The following ZNF652 variants were observed in gnomAD, a reference collection of about 807,000 sequenced individuals.
The protein encoded by ZNF652 is zinc finger protein 652.
Under a neutral mutation model 45.2 loss-of-function variants are expected in ZNF652, and 16 were observed. That is an observed-to-expected ratio of 0.35 (90% CI 0.24 to 0.54). The LOEUF is 0.54. ZNF652 is among the 20% of genes least tolerant of loss of function. The pLI, the probability that ZNF652 is intolerant of heterozygous loss-of-function variation, is 0.91. For missense variants in ZNF652, 614 were observed against 765.6 expected (o/e 0.80, Z 2.34); for synonymous variants, 250 against 260.6 (o/e 0.96, Z 0.39).
Position 49,311,380 on chromosome 17 carries a change from A to G in ZNF652, c.1241T>C (p.Met414Thr). Residue 414 changes from methionine to threonine, a missense_variant, in exon 5 of 6, where the codon ATG becomes ACG. Around this residue, in one of 5 missense-constraint regions of ZNF652, gnomAD observed 81 missense variants for 167.0 expected, o/e 0.48. Transcript: ENST00000430262. ...GAAATCCTTGCCACACCACTGGCAC[A>G]TGAACTGTTTGTGCCCAATATGAAT... ...MSIHIGHKQF[M>T]CQWCGKDFNM... 6.2e-7 allele frequency: 1 copy of G among 1,614,206 alleles called. No homozygotes were observed. The highest frequency in any genetic ancestry group is 8.5e-7 in the Non-Finnish European group (1 of 1,180,022).
intron 1 of ZNF652, among the ~76,000 whole-genome samples, chr17:49,324,682 A>G (rs1034015422): frequency 2.2e-5 from 3 of 139,478 alleles, no homozygotes; most frequent in Admixed American, 1.5e-4. Context: ...GAGCCACCAC[A>G]CCCAGCCAGC....
intron 1 of ZNF652, among the ~76,000 whole-genome samples, chr17:49,335,848 A>C (rs1383540033): frequency 1.3e-5 from 2 of 152,198 alleles, no homozygotes; most frequent in Non-Finnish European, 2.9e-5. Flanking sequence ...AACACAACAC[A>C]GAGTCCACCA....
upstream of ZNF652, chr17:49,362,308 C>G (rs2070410261): frequency 6.6e-6 from 1 of 151,324 alleles, no homozygotes; most frequent in Admixed American, 6.6e-5. Flanking sequence ...GCTGGCCCCC[C>G]CGCCCAACGG....
chr17:49,314,251 G>A (rs1464162863), intron 2 of ZNF652, among the ~76,000 whole-genome samples: 6 of 149,302 alleles, frequency 4.0e-5, no homozygotes, highest in Non-Finnish European at 8.9e-5. Context: ...AACCTCCACC[G>A]CCTGGGTTCA....
chr17:49,326,232 C>A (rs1397142664), intron 1 of ZNF652, among the ~76,000 whole-genome samples: 2 of 138,544 alleles, frequency 1.4e-5, no homozygotes, highest in Non-Finnish European at 3.1e-5. Context: ...CATAGCAAGA[C>A]CCCATCTCTA....
chr17:49,296,122 G>C lies in ZNF652; in HGVS notation c.*2291C>G, dbSNP rs1410691558. On this transcript the variant is annotated 3_prime_UTR_variant, in exon 6 of 6. Coordinates refer to ENST00000430262, the MANE Select transcript of ZNF652 (RefSeq NM_001145365.3). Reference sequence around the variant, plus strand: ...TGCCAAGGAGACTGTGGAGGGAGAGGGAGACAACCACTAAAGATATAACAG... The same window carrying C: ...TGCCAAGGAGACTGTGGAGGGAGAGCGAGACAACCACTAAAGATATAACAG... 1 of 151,986 alleles carries C rather than the reference G, an allele frequency of 6.6e-6. No individual in the cohort carries two copies. Among genetic ancestry groups the C allele is most frequent in the Non-Finnish European group, 1.5e-5 (1 of 67,970 alleles). 9.4% of individuals were successfully genotyped at this position (151,986 alleles called of 1,614,324 possible).
chr17:49,340,580 G>GA (rs5820757), intron 1 of ZNF652, among the ~76,000 whole-genome samples: 59,657 of 139,818 alleles, frequency 0.43, 13,019 homozygotes, highest in East Asian at 0.49. Context: ...AAGAAAGAAA[G>GA]AAAAAATATA....
At chr17:49,303,711 T>C (rs1255890259) in intron 5 of ZNF652, among the ~76,000 whole-genome samples, 1 of 152,008 alleles carries the variant, frequency 6.6e-6, no homozygotes, top group Non-Finnish European at 1.5e-5. Flanking sequence ...TGAATTTTAG[T>C]CTAGTATGAG....
intron 5 of ZNF652, among the ~76,000 whole-genome samples, chr17:49,307,191 T>C (rs944510194): frequency 6.6e-6 from 1 of 151,788 alleles, no homozygotes; most frequent in Non-Finnish European, 1.5e-5. Context: ...TCCCAGCAGT[T>C]TGGGAGGCTG....
At chr17:49,310,797 T>C (rs1228856324) in intron 5 of ZNF652, among the ~76,000 whole-genome samples, 1 of 144,442 alleles carries the variant, frequency 6.9e-6, no homozygotes, top group Non-Finnish European at 1.5e-5. Context: ...AGCTACTTGG[T>C]AGGCTAAGGT....
At chr17:49,313,835 T>A (rs2069753595) in intron 2 of ZNF652, among the ~76,000 whole-genome samples, 1 of 150,016 alleles carries the variant, frequency 6.7e-6, no homozygotes, top group South Asian at 2.1e-4. Flanking sequence ...TAGCCGGGCG[T>A]GGTGGCGCAT....
At chr17:49,333,722 GAAAAAA>G (rs749640282) in intron 1 of ZNF652, among the ~76,000 whole-genome samples, 44 of 56,540 alleles carry the variant, frequency 7.8e-4, no homozygotes, top group African/African-American at 2.4e-3. Context: ...TCTGTCTCAA[GAAAAAA>G]AAAAAAAAAA....
intron 1 of ZNF652, among the ~76,000 whole-genome samples, chr17:49,322,721 TA>T (rs1376673890): frequency 2.0e-5 from 3 of 152,036 alleles, no homozygotes; most frequent in Non-Finnish European, 4.4e-5. Context: ...CCGTCTCTAC[TA>T]AAAATACAAA....
Position 49,331,771 on chromosome 17 carries a change from AT to A in ZNF652, c.-258-13789del, listed in dbSNP as rs2070027453. ...GACAAAGGAGTGTTATTGTTTTCTC[AT>A]TAACAAAAATTTTTTGACACTTCAA... is the stretch of plus-strand genomic sequence containing the variant. On this transcript the variant is annotated intron_variant, in intron 1 of 5. Transcript: ENST00000430262. 2.0e-5 allele frequency among the ~76,000 whole-genome samples: 3 copies of A among 152,326 alleles called. No homozygotes were observed. In the East Asian group the frequency reaches 5.8e-4, roughly 29 times the overall value.
intron 5 of ZNF652, among the ~76,000 whole-genome samples, chr17:49,305,609 G>A (rs2069618618): frequency 2.0e-5 from 3 of 152,080 alleles, no homozygotes; most frequent in South Asian, 4.2e-4. Flanking sequence ...AACAGTATCT[G>A]GCACATAGTA....
Position 49,308,316 on chromosome 17 carries a change from C to A in ZNF652, c.1309+2996G>T, listed in dbSNP as rs2069660826. On this transcript the variant is annotated intron_variant, in intron 5 of 5. Coordinates refer to ENST00000430262, the MANE Select transcript of ZNF652 (RefSeq NM_001145365.3). Reference sequence around the variant, plus strand: ...CCTCAGCCTCCCAAGTAGCTGGGACCACAAGCACATGTCACCACCCCTGCC... The same window carrying A: ...CCTCAGCCTCCCAAGTAGCTGGGACAACAAGCACATGTCACCACCCCTGCC... Among the ~76,000 whole-genome samples the A allele has an allele frequency of 2.6e-5, 4 of 151,910 alleles. No homozygotes were observed. The South Asian group carries it at 8.3e-4, about 32-fold the overall frequency.
At position 49,352,219 on chromosome 17, in the gene ZNF652, T is replaced by C. The variant is rs139522476; in HGVS notation, c.-259+9690A>G. Among the ~76,000 whole-genome samples the C allele has an allele frequency of 3.0e-4, 46 of 152,338 alleles. 2 individuals carry two copies. In the East Asian group the frequency reaches 8.1e-3, roughly 27 times the overall value. ...TATACTACTAATAGTGTTTGTACTT[T>C]AGTTGAGAAGATCAGTCAATATATT... On this transcript the variant is annotated intron_variant, in intron 1 of 5. Coordinates refer to ENST00000430262, the MANE Select transcript of ZNF652 (RefSeq NM_001145365.3).
chr17:49,343,178 G>A (rs950078363), intron 1 of ZNF652, among the ~76,000 whole-genome samples: 11 of 152,092 alleles, frequency 7.2e-5, no homozygotes, highest in African/African-American at 2.4e-4. Flanking sequence ...CACCGCATCC[G>A]GCCCACATGT....
chr17:49,312,435 G>A (rs1290605502), intron 3 of ZNF652, among the ~76,000 whole-genome samples: 1 of 152,050 alleles, frequency 6.6e-6, no homozygotes, highest in Non-Finnish European at 1.5e-5. Context: ...CAAAGTGCTG[G>A]GATTACAGGT....
Sources: allele counts gnomAD v4.1 joint callset (sites outside exome capture counted in the v4.1 genomes callset), GRCh38; gene constraint gnomAD v4.1.1; regional missense constraint gnomAD v4.1.1; transcripts MANE v1.5; gene names NCBI Gene and HGNC (gene_info 2026-07-23, HGNC 2026-07-21).